The following PTPN14 variants were observed in gnomAD, a reference collection of about 807,000 sequenced individuals.
PTPN14 encodes the protein tyrosine-protein phosphatase non-receptor type 14.
Under a neutral mutation model 126.8 loss-of-function variants are expected in PTPN14, and 53 were observed. That is an observed-to-expected ratio of 0.42 (90% confidence interval 0.34 to 0.53). The LOEUF (loss-of-function observed/expected upper bound fraction) is 0.53. PTPN14 is among the 20% of genes least tolerant of loss of function. The pLI is 0.08. For synonymous variants in PTPN14, 630 were observed against 599.3 expected (o/e 1.05, Z -0.75); for missense variants, 1,257 against 1,552.9 (o/e 0.81, Z 3.20).
At chr1:214,386,758 T>C (rs1295204898) in intron 12 of PTPN14, 86 bp downstream of exon 12, 2 of 1,304,882 alleles carry the variant, frequency 1.5e-6, no homozygotes, top group Non-Finnish European at 2.2e-6. Flanking sequence ...AAAGCATCCC[T>C]GTCATCTTTT....
At position 214,551,588 on chromosome 1, in the gene PTPN14, G is replaced by GA. The variant is rs1168896179; in HGVS notation, c.-561dup. The GA allele has an allele frequency of 1.3e-5, 2 of 152,294 alleles. No individual in the cohort carries two copies. The highest frequency in any genetic ancestry group is 2.9e-5 in the Non-Finnish European group (2 of 68,126). The allele number at this position is 152,294 out of a possible 1,614,324, so 9.4% of individuals were successfully genotyped here. A position where few individuals can be genotyped will look rare whatever the true frequency, so the allele number is the denominator to read the frequency against. ...GCGCCCGCTGCGCTCACTCCGCCGA[G>GA]AAAAAGTTGGAAAGAACTTTGAGGG... On this transcript the variant is annotated 5_prime_UTR_variant, in exon 1 of 19. Transcript: ENST00000366956.
intron 1 of PTPN14, among the ~76,000 whole-genome samples, chr1:214,497,230 A>G (rs371023919): frequency 2.0e-5 from 3 of 152,290 alleles, no homozygotes; most frequent in African/African-American, 7.2e-5. Flanking sequence ...TCAATAATCG[A>G]TCAGAAACTA....
chr1:214,484,997 A>C (rs1661080129), intron 1 of PTPN14, among the ~76,000 whole-genome samples: 1 of 152,118 alleles, frequency 6.6e-6, no homozygotes, highest in African/African-American at 2.4e-5. Flanking sequence ...AAGGAAAAAC[A>C]AAAATGTGTT....
At chr1:214,359,544 G>C (rs541138766) in intron 18 of PTPN14, among the ~76,000 whole-genome samples, 2 of 152,056 alleles carry the variant, frequency 1.3e-5, no homozygotes, top group South Asian at 2.1e-4. Flanking sequence ...TTTTGAGACA[G>C]AGTCTTGCTC....
chr1:214,438,646 T>C (rs1207318451), intron 3 of PTPN14, among the ~76,000 whole-genome samples: 4 of 152,178 alleles, frequency 2.6e-5, no homozygotes, highest in African/African-American at 9.7e-5. Context: ...TTACTAATCA[T>C]TAATAATGTA....
chr1:214,426,481 A>G (rs115351405), intron 3 of PTPN14, among the ~76,000 whole-genome samples: 25 of 152,242 alleles, frequency 1.6e-4, no homozygotes, highest in Non-Finnish European at 3.4e-4. Context: ...ACCATCTTTT[A>G]TAACTCTTGA....
chr1:214,415,910 A>G (rs2102586535), intron 3 of PTPN14, among the ~76,000 whole-genome samples: 1 of 152,340 alleles, frequency 6.6e-6, no homozygotes, highest in East Asian at 1.9e-4. Flanking sequence ...AATATGGGCT[A>G]GAAAAAATCA....
chr1:214,391,553 T>C (rs555559017), intron 10 of PTPN14, among the ~76,000 whole-genome samples: 3 of 152,288 alleles, frequency 2.0e-5, no homozygotes, highest in Admixed American at 6.5e-5. Context: ...TGATCAGATA[T>C]TTTCCAGACT....
intron 3 of PTPN14, among the ~76,000 whole-genome samples, chr1:214,429,272 A>C (rs1659744378): frequency 6.6e-6 from 1 of 152,226 alleles, no homozygotes; most frequent in South Asian, 2.1e-4. Context: ...AGAAATAGAT[A>C]TGTTCACATG....
chr1:214,533,536 A>AAT, intron 1 of PTPN14: 1 of 202,882 alleles, frequency 4.9e-6, no homozygotes, highest in Non-Finnish European at 9.6e-6. Context: ...GGTTTAAATA[A>AAT]AAAAAAAAAA....
At chr1:214,472,902 A>G (rs1043349099) in intron 1 of PTPN14, among the ~76,000 whole-genome samples, 2 of 152,218 alleles carry the variant, frequency 1.3e-5, no homozygotes, top group South Asian at 4.1e-4. Context: ...AGATGATAAA[A>G]AGTGTTGTAG....
chr1:214,415,827 G>A (rs571547550), intron 3 of PTPN14, among the ~76,000 whole-genome samples: 2 of 152,080 alleles, frequency 1.3e-5, no homozygotes, highest in Non-Finnish European at 2.9e-5. Context: ...CCACTCTTTG[G>A]TGGGAAAAAC....
chr1:214,368,456 CT>C (rs1359759295), intron 17 of PTPN14, among the ~76,000 whole-genome samples: 1 of 152,116 alleles, frequency 6.6e-6, no homozygotes, highest in Non-Finnish European at 1.5e-5. Context: ...CCACCTCGGC[CT>C]CCCAAAGTGC....
At chr1:214,519,862 A>G (rs1314195538) in intron 1 of PTPN14, among the ~76,000 whole-genome samples, 1 of 151,830 alleles carries the variant, frequency 6.6e-6, no homozygotes, top group East Asian at 1.9e-4. Context: ...CCACCTGGGC[A>G]ACAAAGAAAG....
At chr1:214,523,262 T>C (rs1571644562) in intron 1 of PTPN14, among the ~76,000 whole-genome samples, 3 of 152,194 alleles carry the variant, frequency 2.0e-5, no homozygotes, top group Admixed American at 2.0e-4. Context: ...ATTTTTCTTA[T>C]ATACCTCTTA....
At chr1:214,393,569 C>T in intron 10 of PTPN14, 126 bp downstream of exon 10, 1 of 776,562 alleles carries the variant, frequency 1.3e-6, no homozygotes, top group Non-Finnish European at 2.1e-6. Flanking sequence ...CTTTAGCTTA[C>T]TTCATTAGCT....
chr1:214,542,186 C>CA (rs1655855600), intron 1 of PTPN14, among the ~76,000 whole-genome samples: 2 of 152,002 alleles, frequency 1.3e-5, no homozygotes, highest in African/African-American at 4.8e-5. Context: ...ATATAGTATG[C>CA]ATGTATATAT....
At chr1:214,373,774 T>C (rs1356053581) in intron 15 of PTPN14, among the ~76,000 whole-genome samples, 1 of 152,120 alleles carries the variant, frequency 6.6e-6, no homozygotes, top group Non-Finnish European at 1.5e-5. Flanking sequence ...TGAGATGAAG[T>C]GTATCATAAA....
At chr1:214,387,846 T>G (rs1658659218) in intron 11 of PTPN14, among the ~76,000 whole-genome samples, 1 of 152,102 alleles carries the variant, frequency 6.6e-6, no homozygotes, top group Admixed American at 6.5e-5. Context: ...CACATCAACC[T>G]TAAATAGGAA....
Sources: gnomAD v4.1 joint callset for allele counts (sites outside exome capture counted in the v4.1 genomes callset) on GRCh38, gnomAD v4.1.1 for gene constraint, MANE v1.5 for transcripts, NCBI Gene and HGNC (gene_info 2026-07-23, HGNC 2026-07-21) for gene names.